ACSL3: variants seen among roughly 807,000 people sequenced by gnomAD.
ACSL3 encodes the protein fatty acid CoA ligase Acsl3.
ACSL3 carries 34 observed loss-of-function variants against 84.7 expected under a neutral mutation model. The ratio of observed to expected loss-of-function variants is 0.40; its 90% CI spans 0.31 to 0.53. The LOEUF is 0.53. Ranked by LOEUF, ACSL3 falls within the 20% of genes least tolerant of loss-of-function variation. The probability of loss-of-function intolerance (pLI) is 0.48; values close to 1 mark genes in which losing one functional copy is unlikely to be tolerated. For synonymous variants in ACSL3, 315 were observed against 299.4 expected, an observed-to-expected ratio of 1.05 and a Z score of -0.54; for missense variants, 680 against 873.1, an observed-to-expected ratio of 0.78 and a Z score of 2.79.
intron 2 of ACSL3, 145 bp downstream of exon 2, chr2:222,888,033 T>A (rs867083987): frequency 2.0e-5 from 3 of 152,334 alleles, no homozygotes; most frequent in Middle Eastern, 6.8e-3. Flanking sequence ...TTATATTTAC[T>A]TTAATTCTGT....
At position 222,917,965 on chromosome 2, in the gene ACSL3, A is replaced by G. The variant is rs188128406; in HGVS notation, c.557-81A>G. Reference sequence around the variant, plus strand: ...AGTTTAGGGCTCCTAATGCGTTATTATGATTCATCTCCACATTCAGAGACT... The same window carrying G: ...AGTTTAGGGCTCCTAATGCGTTATTGTGATTCATCTCCACATTCAGAGACT... On this transcript the variant is annotated intron_variant, in intron 5 of 16. Coordinates refer to ENST00000357430, the MANE Select transcript of ACSL3 (RefSeq NM_004457.5). 1.6e-5 allele frequency: 16 copies of G among 1,013,628 alleles called. No homozygotes were observed. In the East Asian group the frequency reaches 3.4e-4, roughly 21 times the overall value. 62.8% of individuals were successfully genotyped at this position (1,013,628 alleles called of 1,614,324 possible).
intron 4 of ACSL3, among the ~76,000 whole-genome samples, chr2:222,913,921 A>G (rs1696506628): frequency 6.6e-6 from 1 of 152,202 alleles, no homozygotes; most frequent in African/African-American, 2.4e-5. Flanking sequence ...TGTCCTTAGC[A>G]TGTAGTAAGC....
chr2:222,888,090 A>G (rs1480648677), intron 2 of ACSL3, among the ~76,000 whole-genome samples: 3 of 152,186 alleles, frequency 2.0e-5, no homozygotes, highest in Non-Finnish European at 4.4e-5. Flanking sequence ...AGTATTGTCT[A>G]TCTTCCTTTC....
chr2:222,909,345 A>T (rs1327297016), intron 4 of ACSL3, among the ~76,000 whole-genome samples, 195 bp downstream of exon 4: 2 of 152,208 alleles, frequency 1.3e-5, no homozygotes, highest in Admixed American at 1.3e-4. Flanking sequence ...TCAGAAGGAC[A>T]TCGCAACCCA....
chr2:222,911,292 G>T (rs1452221431), intron 4 of ACSL3, among the ~76,000 whole-genome samples: 2 of 151,990 alleles, frequency 1.3e-5, no homozygotes, highest in Non-Finnish European at 2.9e-5. Context: ...CAGGTGATCC[G>T]CCCACCTCGG....
In ACSL3 at chr2:222,943,459, AAAG is replaced by A. The variant is rs1477209330; in HGVS notation, c.*1806_*1808del. 1.7e-5 allele frequency: 3 copies of A among 173,748 alleles called. No homozygotes were observed. Among genetic ancestry groups the A allele is most frequent in the African/African-American group, 7.1e-5 (3 of 42,136 alleles). 10.8% of individuals were successfully genotyped at this position (173,748 alleles called of 1,614,324 possible). ...ATTGTTTGCTTTCAGATGATTAAAA[AAAG>A]GAGATTGTATCTAGGAAAAAAGTGT... On this transcript the variant is annotated 3_prime_UTR_variant, in exon 17 of 17. Transcript: ENST00000357430.
rs1218608775 is a variant in ACSL3, at chr2:222,896,468, CG to C, written c.-147-4200del. 3.8e-4 allele frequency among the ~76,000 whole-genome samples: 7 copies of C among 18,442 alleles called. 2 individuals carry two copies. Among genetic ancestry groups the C allele is most frequent in the Non-Finnish European group, 5.6e-4 (5 of 8,960 alleles). The allele number at this position is 18,442 out of a possible 152,430, so 12.1% of individuals were successfully genotyped here. A position where few individuals can be genotyped will look rare whatever the true frequency, so the allele number is the denominator to read the frequency against. ...CTCCCGGACGGGGCGGCTGGCCGGG[CG>C]GGGGGCTGACCCCCCCCACCTCCCT... On this transcript the variant is annotated intron_variant, in intron 2 of 16. Transcript: ENST00000357430.
intron 16 of ACSL3, among the ~76,000 whole-genome samples, chr2:222,935,698 G>T (rs571692485): frequency 6.6e-6 from 1 of 152,174 alleles, no homozygotes; most frequent in African/African-American, 2.4e-5. Context: ...ACTTTTACAG[G>T]TTAGAGTTAA....
At position 222,941,564 on chromosome 2, in the gene ACSL3, T is replaced by C. The variant is rs767788304; in HGVS notation, c.2073T>C (p.Thr691=). 2 of 1,613,592 alleles carry C rather than the reference T, an allele frequency of 1.2e-6. No individual in the cohort carries two copies. The highest frequency in any genetic ancestry group is 1.7e-6 in the Non-Finnish European group (2 of 1,179,828). ...GTCCTGAACCGTGGACCCCTGAAAC[T>C]GGTCTGGTGACAGATGCCTTCAAGC... The part of the protein sequence containing the change: ...RLSPEPWTPE[T]GLVTDAFKLK... Residue 691 remains threonine, a synonymous_variant, in exon 17 of 17, where the codon ACT becomes ACC. Coordinates refer to ENST00000357430, the MANE Select transcript of ACSL3 (RefSeq NM_004457.5).
chr2:222,884,957 C>T (rs1167464853), intron 1 of ACSL3, among the ~76,000 whole-genome samples: 1 of 152,180 alleles, frequency 6.6e-6, no homozygotes, highest in Non-Finnish European at 1.5e-5. Flanking sequence ...TGCCTGTTTT[C>T]CTAATGCAGC....
chr2:222,883,386 T>C (rs2106096023), intron 1 of ACSL3, among the ~76,000 whole-genome samples: 1 of 152,106 alleles, frequency 6.6e-6, no homozygotes, highest in South Asian at 2.1e-4. Flanking sequence ...TTTCTCCTTA[T>C]TGGTCATGCT....
intron 15 of ACSL3, chr2:222,933,566 C>T (rs1215910089): frequency 8.9e-6 from 2 of 225,444 alleles, no homozygotes; most frequent in Non-Finnish European, 1.7e-5. Flanking sequence ...GGTACCCCTA[C>T]CTACCTGTCC....
intron 1 of ACSL3, among the ~76,000 whole-genome samples, chr2:222,871,010 G>C (rs1695287071): frequency 6.6e-6 from 1 of 152,120 alleles, no homozygotes; most frequent in Non-Finnish European, 1.5e-5. Context: ...AGAGACAGAG[G>C]AATAGTTAAG....
intron 1 of ACSL3, among the ~76,000 whole-genome samples, chr2:222,865,471 C>T (rs950489568): frequency 3.3e-5 from 5 of 152,130 alleles, no homozygotes; most frequent in East Asian, 1.9e-4. Flanking sequence ...GCAAGGTACT[C>T]GGAATTTGGA....
At chr2:222,884,470 G>C (rs1038866561) in intron 1 of ACSL3, among the ~76,000 whole-genome samples, 2 of 152,182 alleles carry the variant, frequency 1.3e-5, no homozygotes, top group Non-Finnish European at 2.9e-5. Flanking sequence ...AGTATCAGCA[G>C]AGCTTTGAAG....
At position 222,922,426 on chromosome 2, in the gene ACSL3, C is replaced by G. The variant is rs115228261; in HGVS notation, c.957-282C>G. ...TTTGCTTCAGCAACGCTTATAATTC[C>G]TGAGTGCTTTTAAGTAGGACGGGAA... On this transcript the variant is annotated intron_variant, in intron 8 of 16. Transcript: ENST00000357430. Among the ~76,000 whole-genome samples, 1,179 of 152,348 alleles carry G rather than the reference C, an allele frequency of 7.7e-3. 23 individuals carry two copies. Among genetic ancestry groups the G allele is most frequent in the African/African-American group, 0.026 (1,098 of 41,584 alleles).
In ACSL3 at chr2:222,916,509, T is replaced by C. The variant is rs1574552482; in HGVS notation, c.556+13T>C. ...TATAATTTTCAGCGTATGTAGACTT[T>C]CTTATCTTCTGGAAGAATGAACTTA... On this transcript the variant is annotated intron_variant, in intron 5 of 16. Coordinates refer to ENST00000357430, the MANE Select transcript of ACSL3 (RefSeq NM_004457.5). 5.8e-6 allele frequency: 9 copies of C among 1,540,146 alleles called. No homozygotes were observed. The East Asian group carries it at 1.8e-4, about 31-fold the overall frequency.
intron 2 of ACSL3, among the ~76,000 whole-genome samples, chr2:222,893,142 A>C (rs1046704958): frequency 6.6e-6 from 1 of 152,144 alleles, no homozygotes; most frequent in Admixed American, 6.5e-5. Flanking sequence ...ATTAACTGAG[A>C]AGTAAATTGT....
At chr2:222,865,062 A>T (rs1695103380) in intron 1 of ACSL3, among the ~76,000 whole-genome samples, 1 of 152,080 alleles carries the variant, frequency 6.6e-6, no homozygotes, top group African/African-American at 2.4e-5. Context: ...CTGACTTTTG[A>T]TTGTAATTTA....
Sources: allele counts gnomAD v4.1 joint callset (sites outside exome capture counted in the v4.1 genomes callset), GRCh38; gene constraint gnomAD v4.1.1; transcripts MANE v1.5; gene names NCBI Gene and HGNC (gene_info 2026-07-23, HGNC 2026-07-21).